The following RNF220 variants were observed in gnomAD, a reference collection of about 807,000 sequenced individuals.
The protein encoded by RNF220 is ring finger protein 220, also known as E3 ubiquitin-protein ligase RNF220.
RNF220 carries 7 observed loss-of-function variants against 67.1 expected under a neutral mutation model. The ratio of observed to expected loss-of-function variants is 0.10; its 90% confidence interval spans 0.06 to 0.20. The LOEUF (loss-of-function observed/expected upper bound fraction) is 0.20, where lower values mean the gene tolerates loss of function less well. Ranked by LOEUF, RNF220 falls within the 10% of genes least tolerant of loss-of-function variation. The pLI, the probability that RNF220 is intolerant of heterozygous loss-of-function variation, is 1.00. For synonymous variants in RNF220, 270 were observed against 283.2 expected, an observed-to-expected ratio of 0.95 and a Z score of 0.47; for missense variants, 565 against 740.3, an observed-to-expected ratio of 0.76 and a Z score of 2.75.
At chr1:44,631,970 G>A (rs1644145024) in intron 5 of RNF220, 2 of 998,536 alleles carry the variant, frequency 2.0e-6, no homozygotes, top group Non-Finnish European at 2.4e-6. Flanking sequence ...ACGTGATTAG[G>A]GCCAACATGG....
intron 2 of RNF220, among the ~76,000 whole-genome samples, chr1:44,579,354 A>G: frequency 6.6e-6 from 1 of 152,166 alleles, no homozygotes; most frequent in East Asian, 1.9e-4. Flanking sequence ...AAGAAAGGAC[A>G]GGGAGGCTTG....
At chr1:44,511,257 G>A (rs1169043157) in intron 2 of RNF220, among the ~76,000 whole-genome samples, 1 of 152,224 alleles carries the variant, frequency 6.6e-6, no homozygotes, top group African/African-American at 2.4e-5. Flanking sequence ...CAAGATAAAG[G>A]GATTGGCTAC....
intron 3 of RNF220, among the ~76,000 whole-genome samples, chr1:44,619,936 G>A (rs1033237977): frequency 6.6e-6 from 1 of 152,220 alleles, no homozygotes; most frequent in Non-Finnish European, 1.5e-5. Flanking sequence ...GCAAGGGACA[G>A]TGAAGAGTGT....
At chr1:44,632,532 C>G in intron 6 of RNF220, 147 bp downstream of exon 6, 1 of 752,636 alleles carries the variant, frequency 1.3e-6, no homozygotes, top group Middle Eastern at 3.7e-4. Context: ...TATGTGCAAA[C>G]CAAAGCTGCC....
intron 2 of RNF220, among the ~76,000 whole-genome samples, chr1:44,448,235 G>A (rs919316309): frequency 1.3e-5 from 2 of 152,214 alleles, no homozygotes; most frequent in African/African-American, 4.8e-5. Context: ...CGAGGCAGAG[G>A]TTGCAGTGAG....
chr1:44,462,566 A>C (rs1212929371), intron 2 of RNF220, among the ~76,000 whole-genome samples: 1 of 152,226 alleles, frequency 6.6e-6, no homozygotes, highest in Non-Finnish European at 1.5e-5. Context: ...ATATAACAGT[A>C]CTAGTAAGGG....
At chr1:44,500,175 A>G (rs894005152) in intron 2 of RNF220, among the ~76,000 whole-genome samples, 2 of 152,214 alleles carry the variant, frequency 1.3e-5, no homozygotes, top group African/African-American at 4.8e-5. Context: ...ACCTCTCTAC[A>G]GGCATGAGAG....
intron 2 of RNF220, among the ~76,000 whole-genome samples, chr1:44,531,808 C>T (rs933545214): frequency 2.6e-5 from 4 of 152,140 alleles, no homozygotes; most frequent in Admixed American, 2.6e-4. Context: ...TGAGGGGGAG[C>T]TCATTATTCT....
intron 2 of RNF220, among the ~76,000 whole-genome samples, chr1:44,589,942 G>A (rs1054539102): frequency 2.0e-5 from 3 of 152,180 alleles, no homozygotes; most frequent in Non-Finnish European, 2.9e-5. Context: ...AAGGCTGCAC[G>A]GGAGGTGAGC....
chr1:44,453,815 C>T (rs1446929294), intron 2 of RNF220, among the ~76,000 whole-genome samples: 1 of 152,050 alleles, frequency 6.6e-6, no homozygotes, highest in Non-Finnish European at 1.5e-5. Context: ...AATGTTTGGT[C>T]TTAGGACCCA....
intron 2 of RNF220, among the ~76,000 whole-genome samples, chr1:44,446,374 A>G (rs958156000): frequency 2.0e-4 from 31 of 152,226 alleles, no homozygotes; most frequent in African/African-American, 7.0e-4. Flanking sequence ...TAAGTTTTGC[A>G]GTGAACTGTA....
At chr1:44,427,748 A>G (rs1178275626) in intron 2 of RNF220, among the ~76,000 whole-genome samples, 3 of 152,234 alleles carry the variant, frequency 2.0e-5, no homozygotes, top group African/African-American at 7.2e-5. Context: ...ACTAGTATCA[A>G]TCTCTTAGTG....
At chr1:44,646,779 G>A (rs1644663391) in intron 12 of RNF220, among the ~76,000 whole-genome samples, 1 of 152,212 alleles carries the variant, frequency 6.6e-6, no homozygotes. Flanking sequence ...CTATGATGAG[G>A]TGGAGACTGG....
At chr1:44,509,413 G>A (rs1658742599) in intron 2 of RNF220, among the ~76,000 whole-genome samples, 1 of 152,052 alleles carries the variant, frequency 6.6e-6, no homozygotes, top group African/African-American at 2.4e-5. Flanking sequence ...AGCCAGGCGT[G>A]GTGGTGGGCG....
chr1:44,479,202 G>C (rs578032683), intron 2 of RNF220, among the ~76,000 whole-genome samples: 2 of 150,168 alleles, frequency 1.3e-5, no homozygotes, highest in East Asian at 3.9e-4. Flanking sequence ...TGCAACCTCC[G>C]CCTCCCGGGT....
Position 44,651,301 on chromosome 1 carries a change from C to T in RNF220, c.*526C>T, listed in dbSNP as rs2148523708. 5.6e-6 allele frequency: 1 copy of T among 178,064 alleles called. No individual in the cohort carries two copies. 11.0% of individuals were successfully genotyped at this position (178,064 alleles called of 1,614,324 possible). On this transcript the variant is annotated 3_prime_UTR_variant, in exon 15 of 15. Coordinates refer to ENST00000361799, the MANE Select transcript of RNF220 (RefSeq NM_018150.4). ...GTTGGCTGGGAGCTCGGCCCATCCA[C>T]CTCTTGGGGTACCTGCCTCTCTCTC... is the stretch of plus-strand genomic sequence containing the variant.
At chr1:44,492,044 T>A (rs991017073) in intron 2 of RNF220, among the ~76,000 whole-genome samples, 1 of 152,026 alleles carries the variant, frequency 6.6e-6, no homozygotes, top group Non-Finnish European at 1.5e-5. Context: ...ATAACAGTCA[T>A]CAGATTGGAA....
In RNF220 at chr1:44,600,388, G is replaced by T. The variant is rs1451559202; in HGVS notation, c.626-13777G>T. Among the ~76,000 whole-genome samples the T allele has an allele frequency of 6.6e-6, 1 of 152,190 alleles. No individual in the cohort carries two copies. Among genetic ancestry groups the T allele is most frequent in the Non-Finnish European group, 1.5e-5 (1 of 68,034 alleles). On this transcript the variant is annotated intron_variant, in intron 2 of 14. Transcript: ENST00000361799. This position sits in a 1 kb window ranked among gnomAD's most constrained non-coding sequence, Gnocchi z 4.0. ...ACAAGGGCAATAGCTAACATCAGAG[G>T]CAGCAGAATAGCGTGACTAAGAGCA... is the stretch of plus-strand genomic sequence containing the variant.
chr1:44,422,429 A>C (rs1162280484), intron 2 of RNF220, among the ~76,000 whole-genome samples: 3 of 152,254 alleles, frequency 2.0e-5, no homozygotes, highest in Non-Finnish European at 4.4e-5. Context: ...ACTGAGCAGC[A>C]GTCAAGGCTG....
Sources: allele counts gnomAD v4.1 joint callset (sites outside exome capture counted in the v4.1 genomes callset), GRCh38; gene constraint gnomAD v4.1.1; non-coding constraint Gnocchi (gnomAD v3.1); transcripts MANE v1.5; gene names NCBI Gene and HGNC (gene_info 2026-07-23, HGNC 2026-07-21).